Variants in GNAS-AS1 observed in about 807,000 individuals in gnomAD.
GNAS-AS1 encodes GNAS antisense RNA 1 (non-protein coding).
intron 2 of GNAS-AS1, chr20:58,842,557 G>A (rs2145484707): frequency 2.5e-6 from 1 of 398,592 alleles, no homozygotes; most frequent in Non-Finnish European, 4.4e-6. Context: ...TAGTAAATAC[G>A]GAGAAACTAG....
intron 4 of GNAS-AS1, among the ~76,000 whole-genome samples, chr20:58,831,526 C>T (rs977682051): frequency 1.4e-4 from 21 of 151,948 alleles, no homozygotes; most frequent in African/African-American, 4.8e-4. Context: ...AATACAAAAA[C>T]AAAATTAGCC....
chr20:58,831,332 T>TA (rs142530265), intron 4 of GNAS-AS1, among the ~76,000 whole-genome samples: 6,720 of 152,162 alleles, frequency 0.044, 243 homozygotes, highest in African/African-American at 0.092. Flanking sequence ...TGCTTTTTTT[T>TA]AAAAAAATCT....
intron 2 of GNAS-AS1, chr20:58,843,380 C>T (rs1312672806): frequency 6.6e-6 from 1 of 152,154 alleles, no homozygotes; most frequent in African/African-American, 2.4e-5. Context: ...CTTCGCAAAC[C>T]TTCTCTCTGC....
Position 58,840,757 on chromosome 20 carries a change from T to C in GNAS-AS1, n.819+1180A>G. The C allele has an allele frequency of 6.2e-7, 1 of 1,606,676 alleles. No individual in the cohort carries two copies. The highest frequency in any genetic ancestry group is 8.5e-7 in the Non-Finnish European group (1 of 1,179,498). ...AGCCCAAGGAGGAGAAGCAGCGGCG[T>C]CGCTGCAAGCCAAAGAAGCCCACCC... On this transcript the variant is annotated intron_variant and non_coding_transcript_variant, in intron 4 of 4. Transcript: ENST00000424094. The surrounding 1 kb of genome is among the most constrained non-coding windows in gnomAD (Gnocchi z 6.0).
chr20:58,840,773 A>C lies in GNAS-AS1; in HGVS notation n.819+1164T>G, dbSNP rs980818308. Reference sequence around the variant, plus strand: ...GCAGCGGCGTCGCTGCAAGCCAAAGAAGCCCACCCGCCGTGACGCGTCCCC... The same window carrying C: ...GCAGCGGCGTCGCTGCAAGCCAAAGCAGCCCACCCGCCGTGACGCGTCCCC... On this transcript the variant is annotated intron_variant and non_coding_transcript_variant, in intron 4 of 4. Coordinates refer to ENST00000424094, the Ensembl canonical transcript of GNAS-AS1. The surrounding 1 kb of genome is among the most constrained non-coding windows in gnomAD (Gnocchi z 6.0). The C allele has an allele frequency of 5.0e-6, 8 of 1,609,188 alleles. No individual in the cohort carries two copies. The highest frequency in any genetic ancestry group is 5.9e-6 in the Non-Finnish European group (7 of 1,179,716).
intron 4 of GNAS-AS1, among the ~76,000 whole-genome samples, chr20:58,823,458 G>A (rs151090979): frequency 1.3e-3 from 198 of 152,334 alleles, no homozygotes; most frequent in African/African-American, 4.2e-3. Context: ...TCAAGGTGTG[G>A]CCATCTGTAT....
chr20:58,820,134 C>T (rs971845083), intron 4 of GNAS-AS1, among the ~76,000 whole-genome samples: 1 of 152,260 alleles, frequency 6.6e-6, no homozygotes, highest in South Asian at 2.1e-4. Context: ...GATGCCTTCA[C>T]GGTGTTGATG....
At chr20:58,832,153 A>G (rs955674197) in intron 4 of GNAS-AS1, among the ~76,000 whole-genome samples, 1 of 152,012 alleles carries the variant, frequency 6.6e-6, no homozygotes, top group Non-Finnish European at 1.5e-5. Flanking sequence ...TAAATACATA[A>G]TAAGAGGCCT....
chr20:58,832,025 T>C (rs1289256825), intron 4 of GNAS-AS1, among the ~76,000 whole-genome samples: 1 of 152,188 alleles, frequency 6.6e-6, no homozygotes, highest in Non-Finnish European at 1.5e-5. Context: ...TTCTACCAAA[T>C]CCTCCAGAAA....
At chr20:58,839,111 C>T in intron 4 of GNAS-AS1, 4 of 398,548 alleles carry the variant, frequency 1.0e-5, no homozygotes, top group Non-Finnish European at 1.8e-5. Context: ...CTCAATCGAG[C>T]TCAGGGCAGT....
At chr20:58,846,199 A>C (rs1391244218) in intron 2 of GNAS-AS1, among the ~76,000 whole-genome samples, 1 of 152,218 alleles carries the variant, frequency 6.6e-6, no homozygotes, top group East Asian at 1.9e-4. Flanking sequence ...TCACAAAGCC[A>C]GGAAATTTGG....
chr20:58,830,324 T>C (rs1303203175), intron 4 of GNAS-AS1, among the ~76,000 whole-genome samples: 21 of 74,886 alleles, frequency 2.8e-4, no homozygotes, highest in South Asian at 5.1e-4. Context: ...CACACCATCA[T>C]CATCACCACC....
intron 4 of GNAS-AS1, among the ~76,000 whole-genome samples, chr20:58,830,263 C>CCAT (rs2085547762): frequency 6.9e-6 from 1 of 145,846 alleles, no homozygotes; most frequent in Non-Finnish European, 1.5e-5. Flanking sequence ...CAACGCCACA[C>CCAT]CATCACCACC....
At position 58,841,107 on chromosome 20, in the gene GNAS-AS1, G is replaced by A. The variant is rs1332413047; in HGVS notation, n.819+830C>T. The stretch of plus-strand genomic sequence containing the variant: ...GGCCAAAGGCTTGTTGGACGGCGGG[G>A]CGCACGCCGTGCGTCCCGCTGGAGA... On this transcript the variant is annotated intron_variant and non_coding_transcript_variant, in intron 4 of 4. Coordinates refer to ENST00000424094, the Ensembl canonical transcript of GNAS-AS1. This position sits in a 1 kb window ranked among gnomAD's most constrained non-coding sequence, Gnocchi z 5.0. Among the ~76,000 whole-genome samples the A allele has an allele frequency of 6.6e-6, 1 of 152,064 alleles. No individual in the cohort carries two copies. Among genetic ancestry groups the A allele is most frequent in the Non-Finnish European group, 1.5e-5 (1 of 67,996 alleles).
rs942246524 is a variant in GNAS-AS1, at chr20:58,840,365, G to T, written n.819+1572C>A. Reference sequence around the variant, plus strand: ...GTCCCCCGAATCGGAATCTGACCACGAGCACGAGGAGGCAGACCTTGAGCT... The same window carrying T: ...GTCCCCCGAATCGGAATCTGACCACTAGCACGAGGAGGCAGACCTTGAGCT... On this transcript the variant is annotated intron_variant and non_coding_transcript_variant, in intron 4 of 4. Transcript: ENST00000424094. The surrounding 1 kb of genome is among the most constrained non-coding windows in gnomAD (Gnocchi z 6.0). 2.5e-6 allele frequency: 4 copies of T among 1,613,344 alleles called. No homozygotes were observed. The highest frequency in any genetic ancestry group is 1.1e-5 in the South Asian group (1 of 91,088).
chr20:58,840,188 G>A lies in GNAS-AS1; in HGVS notation n.819+1749C>T. On this transcript the variant is annotated intron_variant and non_coding_transcript_variant, in intron 4 of 4. Coordinates refer to ENST00000424094, the Ensembl canonical transcript of GNAS-AS1. The surrounding 1 kb of genome is among the most constrained non-coding windows in gnomAD (Gnocchi z 6.0). ...CCTGTGCCCGCCCATAGGCCGCCGG[G>A]CAGCCACCGCGCTCCTCTGGCTCTC... 6.2e-7 allele frequency: 1 copy of A among 1,611,242 alleles called. No homozygotes were observed. Among genetic ancestry groups the A allele is most frequent in the Non-Finnish European group, 8.5e-7 (1 of 1,179,928 alleles).
At chr20:58,833,276 G>T (rs2085579466) in intron 4 of GNAS-AS1, among the ~76,000 whole-genome samples, 1 of 152,222 alleles carries the variant, frequency 6.6e-6, no homozygotes, top group South Asian at 2.1e-4. Flanking sequence ...AGCAGGGAGA[G>T]AAGTGACGGC....
chr20:58,844,635 T>C (rs1462469575), intron 2 of GNAS-AS1, among the ~76,000 whole-genome samples: 2 of 152,088 alleles, frequency 1.3e-5, no homozygotes, highest in Non-Finnish European at 2.9e-5. Flanking sequence ...AATGTCTAGA[T>C]TGATTAGCTT....
rs753062074 is a variant in GNAS-AS1, at chr20:58,840,468, CCGAGACCGACTT to C, written n.819+1457_819+1468del. ...AGCGAGACCGAGTCCGAAATCGAGT[CCGAGACCGACTT>C]CGAGACCGAGCCTGAGACCGCCCCC... On this transcript the variant is annotated intron_variant and non_coding_transcript_variant, in intron 4 of 4. Transcript: ENST00000424094. This position sits in a 1 kb window ranked among gnomAD's most constrained non-coding sequence, Gnocchi z 6.0. The C allele has an allele frequency of 5.0e-6, 8 of 1,613,450 alleles. No individual in the cohort carries two copies. Among genetic ancestry groups the C allele is most frequent in the East Asian group, 2.2e-5 (1 of 44,852 alleles).
Sources: gnomAD v4.1 joint callset for allele counts (sites outside exome capture counted in the v4.1 genomes callset) on GRCh38, gnomAD v4.1.1 for gene constraint, Gnocchi (gnomAD v3.1) non-coding constraint, MANE v1.5 for transcripts, NCBI Gene and HGNC (gene_info 2026-07-23, HGNC 2026-07-21) for gene names.